Variants in DTX2 observed in about 807,000 individuals in gnomAD.
DTX2 encodes deltex E3 ubiquitin ligase 2, also known as probable E3 ubiquitin-protein ligase DTX2.
Under a neutral mutation model 55.3 loss-of-function variants are expected in DTX2, and 29 were observed. The ratio of observed to expected loss-of-function variants is 0.52; its 90% CI spans 0.39 to 0.71. DTX2 has a LOEUF of 0.71. Among genes scored for constraint, DTX2 ranks in the 30% least tolerant of loss-of-function variants. The pLI is 0.00. For synonymous variants in DTX2, 276 were observed against 340.4 expected (o/e 0.81, Z 2.08); for missense variants, 537 against 822.5 (o/e 0.65, Z 4.25).
chr7:76,479,347 CAG>C (rs1426453979), intron 2 of DTX2, among the ~76,000 whole-genome samples: 1 of 99,194 alleles, frequency 1.0e-5, no homozygotes, highest in African/African-American at 4.1e-5. Flanking sequence ...TTGGAGAGGC[CAG>C]AGAGGGGTGA....
chr7:76,504,993 G>A (rs1162630445), intron 10 of DTX2, among the ~76,000 whole-genome samples: 3 of 150,734 alleles, frequency 2.0e-5, no homozygotes, highest in African/African-American at 7.3e-5. Flanking sequence ...TTGAGGTGGC[G>A]GAGCTGGAGG....
intron 5 of DTX2, among the ~76,000 whole-genome samples, chr7:76,493,655 G>T (rs1449552278): frequency 2.1e-5 from 2 of 95,844 alleles, no homozygotes. Context: ...TGTCATAGTG[G>T]CTGAGAGGGG....
intron 2 of DTX2, 26 bp from the exon 3 acceptor site, chr7:76,480,395 A>G: frequency 1.6e-6 from 2 of 1,218,072 alleles, no homozygotes; most frequent in South Asian, 1.6e-5. Context: ...TGCATTGGTA[A>G]CTGCTCATGT....
At chr7:76,471,649 C>G (rs1237220490) in intron 2 of DTX2, among the ~76,000 whole-genome samples, 1 of 151,214 alleles carries the variant, frequency 6.6e-6, no homozygotes, top group East Asian at 1.9e-4. Context: ...TCTGCCTCAG[C>G]CAGTCAAAGT....
At chr7:76,492,338 C>T in intron 5 of DTX2, 85 bp downstream of exon 5, 2 of 1,145,716 alleles carry the variant, frequency 1.7e-6, no homozygotes, top group Non-Finnish European at 2.3e-6. Flanking sequence ...CCTTGTCACC[C>T]TCTGGATCCT....
chr7:76,469,094 A>C (rs1229878724), intron 2 of DTX2, among the ~76,000 whole-genome samples: 1 of 140,560 alleles, frequency 7.1e-6, no homozygotes. Context: ...ATAAAGTTAT[A>C]TTGGTATGCA....
At chr7:76,480,914 G>C (rs1462395026) in intron 3 of DTX2, 137 bp downstream of exon 3, 19 of 1,041,578 alleles carry the variant, frequency 1.8e-5, no homozygotes, top group Non-Finnish European at 2.6e-5. Flanking sequence ...GTGGTGGGTG[G>C]GTGCAGTGAG....
intron 2 of DTX2, chr7:76,471,147 C>T: frequency 1.7e-6 from 1 of 604,184 alleles, no homozygotes; most frequent in South Asian, 1.7e-5. Flanking sequence ...TTTCTGGTTT[C>T]CATTCGTTCT....
At chr7:76,479,237 GAGA>G (rs1242155463) in intron 2 of DTX2, 2 of 99,182 alleles carry the variant, frequency 2.0e-5, no homozygotes, top group African/African-American at 4.7e-5. Context: ...TGACTGCAAG[GAGA>G]AGGTCTCGGG....
At position 76,505,371 on chromosome 7, in the gene DTX2, C is replaced by A. The variant is rs1198751214; in HGVS notation, c.1642-3C>A. 1 of 1,569,278 alleles carries A rather than the reference C, an allele frequency of 6.4e-7. No homozygotes were observed. Among genetic ancestry groups the A allele is most frequent in the East Asian group, 2.4e-5 (1 of 42,002 alleles). On this transcript the variant is annotated splice_polypyrimidine_tract_variant and splice_region_variant and intron_variant, in intron 10 of 10. Coordinates refer to ENST00000430490, the MANE Select transcript of DTX2 (RefSeq NM_001102594.3). This position sits in a 1 kb window ranked among gnomAD's most constrained non-coding sequence, Gnocchi z 4.4. ...CCTCTTCCCCCTCCTCCTCCCCGGG[C>A]AGGTCCTAGAGCTCCTGAAGGTGGC...
Position 76,503,487 on chromosome 7 carries a change from C to T in DTX2, c.1451C>T (p.Pro484Leu). 6.2e-7 allele frequency: 1 copy of T among 1,613,028 alleles called. No individual in the cohort carries two copies. ...TATGGAGAGAAGACGGGGACCCAGC[C>T]CCAGGGAAAGATGGAGGTATTACGG... is the stretch of plus-strand genomic sequence containing the variant. ...TIYGEKTGTQ[P>L]QGKMEVLRFQ... The change falls in exon 9 of 11, where the codon CCC becomes CTC. Residue 484 changes from proline to leucine, a missense_variant. Physicochemically the swap from Pro to Leu is moderately conservative, Grantham distance 98. Coordinates refer to ENST00000430490, the MANE Select transcript of DTX2 (RefSeq NM_001102594.3).
chr7:76,504,645 G>A (rs1812140365), intron 10 of DTX2, among the ~76,000 whole-genome samples, 200 bp downstream of exon 10: 1 of 152,194 alleles, frequency 6.6e-6, no homozygotes. Flanking sequence ...AGGAGGAGAG[G>A]CCATCACCTT....
intron 4 of DTX2, chr7:76,491,868 T>G (rs1180519256): frequency 2.0e-5 from 7 of 346,890 alleles, no homozygotes; most frequent in Non-Finnish European, 3.2e-5. Context: ...GGAGATGGAG[T>G]CTCACTATGT....
In DTX2 at chr7:76,503,923, C is replaced by T. The variant is rs369263978; in HGVS notation, c.1551+336C>T. 9.9e-3 allele frequency among the ~76,000 whole-genome samples: 1,451 copies of T among 146,766 alleles called. 8 individuals are homozygous for T. Among genetic ancestry groups the T allele is most frequent in the East Asian group, 0.087 (390 of 4,502 alleles). ...GAACCCTGCGGAGGGGCTGGAGAAG[C>T]GGGGCCACAGCAGGGTGTGCGTCGA... On this transcript the variant is annotated intron_variant, in intron 9 of 10. Coordinates refer to ENST00000430490, the MANE Select transcript of DTX2 (RefSeq NM_001102594.3).
rs1392934452 is a variant in DTX2, at chr7:76,505,155, G to A, written c.1642-219G>A. Among the ~76,000 whole-genome samples the A allele has an allele frequency of 6.6e-6, 1 of 152,114 alleles. No homozygotes were observed. Among genetic ancestry groups the A allele is most frequent in the East Asian group, 1.9e-4 (1 of 5,170 alleles). ...CAAACGGATGGCAGTGCCAGGCACT[G>A]AGGCGGGGTGGGCTGGAGCCCAGGT... On this transcript the variant is annotated intron_variant, in intron 10 of 10. Coordinates refer to ENST00000430490, the MANE Select transcript of DTX2 (RefSeq NM_001102594.3). The surrounding 1 kb of genome is among the most constrained non-coding windows in gnomAD (Gnocchi z 4.4).
At chr7:76,472,695 T>C (rs1294573715) in intron 2 of DTX2, among the ~76,000 whole-genome samples, 1 of 149,946 alleles carries the variant, frequency 6.7e-6, no homozygotes, top group Non-Finnish European at 1.5e-5. Flanking sequence ...AGTTCAGATA[T>C]ATAAGGAAGT....
intron 8 of DTX2, 36 bp downstream of exon 8, chr7:76,502,492 C>T (rs569297323): frequency 6.2e-6 from 10 of 1,602,750 alleles, no homozygotes; most frequent in African/African-American, 2.7e-5. Flanking sequence ...GCGGGTGGCC[C>T]GCCCCCACAG....
chr7:76,463,090 A>G (rs1186494564), intron 1 of DTX2, among the ~76,000 whole-genome samples: 1 of 34,072 alleles, frequency 2.9e-5, no homozygotes, highest in Non-Finnish European at 5.6e-5. Context: ...CAAACAAACT[A>G]AAAAAACGAA....
rs2430312 is a variant in DTX2 at position 76,489,899 on chromosome 7, A to C, written c.909-2254A>C. 2.6e-3 allele frequency among the ~76,000 whole-genome samples: 322 copies of C among 122,580 alleles called. 9 individuals are homozygous for C. Among genetic ancestry groups the C allele is most frequent in the Middle Eastern group, 7.8e-3 (2 of 258 alleles). The allele number at this position is 122,580 out of a possible 152,430, so 80.4% of individuals were successfully genotyped here. A position where few individuals can be genotyped will look rare whatever the true frequency, so the allele number is the denominator to read the frequency against. Reference sequence around the variant, plus strand: ...AAAACCCTCATATTAAAAAAAAAAAAAACAACAACCTTTATTTTATGGTAA... The same window carrying C: ...AAAACCCTCATATTAAAAAAAAAAACAACAACAACCTTTATTTTATGGTAA... On this transcript the variant is annotated intron_variant, in intron 4 of 10. Coordinates refer to ENST00000430490, the MANE Select transcript of DTX2 (RefSeq NM_001102594.3).
Sources: allele counts gnomAD v4.1 joint callset (sites outside exome capture counted in the v4.1 genomes callset), GRCh38; gene constraint gnomAD v4.1.1; non-coding constraint Gnocchi (gnomAD v3.1); transcripts MANE v1.5; gene names NCBI Gene and HGNC (gene_info 2026-07-23, HGNC 2026-07-21).